Variants in LARS2 observed in about 807,000 individuals in gnomAD.
LARS2 encodes leucyl-tRNA synthetase 2, mitochondrial.
Under a neutral mutation model 116.6 loss-of-function variants are expected in LARS2, and 81 were observed. The observed-to-expected ratio is 0.69, with a 90% CI of 0.58 to 0.84. The LOEUF (loss-of-function observed/expected upper bound fraction) is 0.84. Among genes scored for constraint, LARS2 ranks in the 40% least tolerant of loss-of-function variants. The pLI, the probability that LARS2 is intolerant of heterozygous loss-of-function variation, is 0.00. For missense variants in LARS2, 968 were observed against 1,114.5 expected (o/e 0.87, Z 1.87); for synonymous variants, 396 against 407.2 (o/e 0.97, Z 0.33).
At chr3:45,476,848 G>T (rs1230471246) in intron 10 of LARS2, among the ~76,000 whole-genome samples, 1 of 152,148 alleles carries the variant, frequency 6.6e-6, no homozygotes, top group East Asian at 1.9e-4. Context: ...GTTTGTCTGT[G>T]TCTTGAGCTT....
chr3:45,517,926 A>T lies in LARS2; in HGVS notation c.2068A>T (p.Arg690Ter). The T allele has an allele frequency of 1.2e-6, 2 of 1,613,734 alleles. No individual in the cohort carries two copies. The highest frequency in any genetic ancestry group is 1.7e-6 in the Non-Finnish European group (2 of 1,179,836). Residue 690 changes from arginine (R) to a stop codon, truncating the protein, a stop_gained, in exon 18 of 22, where the codon AGA becomes TGA. Coordinates refer to ENST00000645846, the MANE Select transcript of LARS2 (RefSeq NM_015340.4). LOFTEE classifies it high-confidence loss of function. ...AGCTGATGCTCTCCCTGGGGTGCTG[A>T]GATGGCAACAACGACTGTGGACCTT... ...VKTDALPGVL[R>*]WQQRLWTLTT...
chr3:45,539,452 A>G (rs113249636), intron 20 of LARS2, among the ~76,000 whole-genome samples: 7,304 of 151,988 alleles, frequency 0.048, 182 homozygotes, highest in Middle Eastern at 0.085. Context: ...CCAACATGGT[A>G]AAACCCTGTC....
intron 13 of LARS2, among the ~76,000 whole-genome samples, chr3:45,492,053 A>C (rs1022202821): frequency 6.6e-6 from 1 of 152,246 alleles, no homozygotes; most frequent in Non-Finnish European, 1.5e-5. Flanking sequence ...TCTATCCCAG[A>C]AACATCTGAT....
At chr3:45,490,400 C>CT (rs1466321057) in intron 12 of LARS2, among the ~76,000 whole-genome samples, 10 of 152,272 alleles carry the variant, frequency 6.6e-5, no homozygotes, top group African/African-American at 2.2e-4. Context: ...CCTCTCCTGG[C>CT]TCTAGGCTGA....
intron 19 of LARS2, 66 bp downstream of exon 19, chr3:45,520,362 C>A: frequency 1.6e-6 from 2 of 1,212,144 alleles, no homozygotes; most frequent in Non-Finnish European, 2.5e-6. Context: ...AGGGGCCCCA[C>A]AGGGTCCCAA....
In LARS2 at chr3:45,500,512, G is replaced by T. The variant is rs368663780; in HGVS notation, c.1693G>T (p.Val565Phe). 1.3e-6 allele frequency: 2 copies of T among 1,591,870 alleles called. No individual in the cohort carries two copies. The highest frequency in any genetic ancestry group is 1.8e-5 in the Admixed American group (1 of 55,304). Residue 565 changes from valine (V) to phenylalanine (F), a missense_variant, in exon 15 of 22, where the codon GTC becomes TTC. Transcript: ENST00000645846. ...DLYIGGKEHA[V>F]MHLFYARFFS... ...GTACATTGGAGGGAAAGAACATGCCGTCATGCACTTGTTCTATGCAAGATT... is the reference window on the plus strand; with the variant it reads ...GTACATTGGAGGGAAAGAACATGCCTTCATGCACTTGTTCTATGCAAGATT...
intron 10 of LARS2, among the ~76,000 whole-genome samples, chr3:45,483,802 T>C (rs1169501512): frequency 6.6e-6 from 1 of 152,150 alleles, no homozygotes; most frequent in East Asian, 1.9e-4. Context: ...GGGCTGCATT[T>C]CACTGTTTCC....
At chr3:45,405,928 C>A (rs781013882) in intron 4 of LARS2, among the ~76,000 whole-genome samples, 2 of 152,136 alleles carry the variant, frequency 1.3e-5, no homozygotes, top group African/African-American at 4.8e-5. Flanking sequence ...ACTCAAGTCA[C>A]TTCCACTGAC....
chr3:45,545,287 C>T (rs1700859257), intron 21 of LARS2, among the ~76,000 whole-genome samples: 1 of 152,178 alleles, frequency 6.6e-6, no homozygotes, highest in Admixed American at 6.5e-5. Flanking sequence ...GTGATGGATT[C>T]GAGTGGGAGG....
intron 4 of LARS2, among the ~76,000 whole-genome samples, chr3:45,408,161 C>T (rs1698264280): frequency 6.6e-6 from 1 of 152,250 alleles, no homozygotes; most frequent in African/African-American, 2.4e-5. Flanking sequence ...TGTGTTTTCT[C>T]CTGCATCTCT....
At chr3:45,427,670 A>G (rs1698617615) in intron 6 of LARS2, among the ~76,000 whole-genome samples, 1 of 152,240 alleles carries the variant, frequency 6.6e-6, no homozygotes, top group African/African-American at 2.4e-5. Context: ...ATAGTAATGT[A>G]TAGCTACTAC....
intron 6 of LARS2, among the ~76,000 whole-genome samples, chr3:45,430,776 G>A (rs578209088): frequency 6.7e-6 from 1 of 149,910 alleles, no homozygotes; most frequent in Non-Finnish European, 1.5e-5. Context: ...TAGTAGAGAC[G>A]GGGTTTCACC....
intron 5 of LARS2, among the ~76,000 whole-genome samples, chr3:45,417,901 C>T (rs1487635017): frequency 6.6e-6 from 1 of 152,138 alleles, no homozygotes; most frequent in Non-Finnish European, 1.5e-5. Context: ...TTCTATAATG[C>T]TTCTGGTCTT....
chr3:45,389,769 C>T (rs188863189), intron 1 of LARS2, among the ~76,000 whole-genome samples: 1 of 152,178 alleles, frequency 6.6e-6, no homozygotes, highest in Non-Finnish European at 1.5e-5. Flanking sequence ...ATGAGCCACA[C>T]CTTTCACATC....
At chr3:45,506,732 A>G (rs907687781) in intron 15 of LARS2, among the ~76,000 whole-genome samples, 2 of 152,054 alleles carry the variant, frequency 1.3e-5, no homozygotes, top group African/African-American at 2.4e-5. Context: ...CAGTGGCCTC[A>G]TATGTTAGGA....
intron 7 of LARS2, among the ~76,000 whole-genome samples, chr3:45,454,391 C>G (rs1559474440): frequency 2.0e-5 from 3 of 151,620 alleles, no homozygotes; most frequent in Non-Finnish European, 4.4e-5. Flanking sequence ...ATCACTCAAG[C>G]AAAAAAATAT....
chr3:45,515,333 GC>G (rs1351598883), intron 16 of LARS2, among the ~76,000 whole-genome samples: 1 of 152,188 alleles, frequency 6.6e-6, no homozygotes, highest in Non-Finnish European at 1.5e-5. Flanking sequence ...GGCAAGTCTT[GC>G]CCCATCTCCT....
chr3:45,395,519 A>G (rs1221945279), intron 3 of LARS2, among the ~76,000 whole-genome samples: 12 of 152,246 alleles, frequency 7.9e-5, no homozygotes, highest in Non-Finnish European at 8.8e-5. Context: ...TGTGATTGTT[A>G]CATGAAATGT....
intron 20 of LARS2, among the ~76,000 whole-genome samples, chr3:45,531,617 C>T (rs1365930294): frequency 6.6e-6 from 1 of 152,028 alleles, no homozygotes; most frequent in Non-Finnish European, 1.5e-5. Flanking sequence ...CTCCTGGGCT[C>T]AAGCAGTCCT....
Sources: gnomAD v4.1 joint callset for allele counts (sites outside exome capture counted in the v4.1 genomes callset) on GRCh38, gnomAD v4.1.1 for gene constraint, MANE v1.5 for transcripts, NCBI Gene and HGNC (gene_info 2026-07-23, HGNC 2026-07-21) for gene names.